The following CPNE7 variants were observed in gnomAD, a reference collection of about 807,000 sequenced individuals.
CPNE7 encodes copine 7, also known as copine-7.
A neutral mutation model predicts 66.5 loss-of-function variants in CPNE7; 78 were observed. The observed-to-expected ratio is 1.17, with a 90% CI of 0.98 to 1.42. CPNE7 has a LOEUF of 1.42. Among genes scored for constraint, CPNE7 ranks in the 40% most tolerant of loss-of-function variants. CPNE7 has a pLI of 0.00. For missense variants in CPNE7, 1,012 were observed against 776.6 expected (o/e 1.30, Z -3.60); for synonymous variants, 468 against 336.7 (o/e 1.39, Z -4.27).
chr16:89,584,716 C>G lies in CPNE7; in HGVS notation c.508-58C>G. On this transcript the variant is annotated intron_variant, in intron 4 of 14. Coordinates refer to ENST00000319518, the MANE Select transcript of CPNE7 (RefSeq NM_153636.3). The surrounding 1 kb of genome is among the most constrained non-coding windows in gnomAD (Gnocchi z 6.0). ...GCCCTGGGAAACGACAAAGCCAGCT[C>G]CCATCCAAAGCCCGATCTCACAGTG... 1.5e-6 allele frequency: 2 copies of G among 1,320,830 alleles called. No homozygotes were observed. The highest frequency in any genetic ancestry group is 2.2e-6 in the Non-Finnish European group (2 of 924,178). The allele number at this position is 1,320,830 out of a possible 1,614,324, so 81.8% of individuals were successfully genotyped here. A position where few individuals can be genotyped will look rare whatever the true frequency, so the allele number is the denominator to read the frequency against.
At chr16:89,588,837 TG>T in intron 10 of CPNE7, 29 bp downstream of exon 10, 1 of 1,607,530 alleles carries the variant, frequency 6.2e-7, no homozygotes, top group Non-Finnish European at 8.5e-7. Flanking sequence ...CCTCACCCCC[TG>T]GTCTCCAGGT....
intron 5 of CPNE7, among the ~76,000 whole-genome samples, chr16:89,585,217 G>A (rs2059016049): frequency 6.6e-6 from 1 of 152,228 alleles, no homozygotes; most frequent in Non-Finnish European, 1.5e-5. Flanking sequence ...AGCGCAGGTG[G>A]CTCAGAGGTG....
In CPNE7 at chr16:89,595,616, G is replaced by A; in HGVS notation, c.1539+13G>A. ...GGAGCTCAAGAACGTGAGTGTCCTGGAGGGGCTCCGTCAAGGCCGGCTTGG... is the reference window on the plus strand; with the variant it reads ...GGAGCTCAAGAACGTGAGTGTCCTGAAGGGGCTCCGTCAAGGCCGGCTTGG... On this transcript the variant is annotated intron_variant, in intron 14 of 14. Coordinates refer to ENST00000319518, the MANE Select transcript of CPNE7 (RefSeq NM_153636.3). 1 of 1,591,970 alleles carries A rather than the reference G, an allele frequency of 6.3e-7. No individual in the cohort carries two copies.
chr16:89,588,407 A>G (rs2059118042), intron 9 of CPNE7, among the ~76,000 whole-genome samples: 1 of 152,090 alleles, frequency 6.6e-6, no homozygotes, highest in African/African-American at 2.4e-5. Flanking sequence ...ACTAAGAAGG[A>G]TGGGCGGGGC....
intron 9 of CPNE7, chr16:89,587,643 C>T (rs1365594689): frequency 2.2e-6 from 1 of 447,282 alleles, no homozygotes. Flanking sequence ...CCGGCACAGA[C>T]CCCGTGTCAC....
chr16:89,589,397 A>G (rs542284672), intron 10 of CPNE7, among the ~76,000 whole-genome samples: 2 of 152,350 alleles, frequency 1.3e-5, no homozygotes, highest in African/African-American at 4.8e-5. Context: ...CTTTGCCAGA[A>G]TAGCAAACCG....
At chr16:89,583,628 G>C (rs904958591) in intron 2 of CPNE7, 69 bp from the exon 3 acceptor site, 5 of 1,608,068 alleles carry the variant, frequency 3.1e-6, no homozygotes, top group Non-Finnish European at 4.3e-6. Context: ...GGGTGAGGGC[G>C]CGGTGGGGTC....
At chr16:89,588,423 C>G (rs1055344346) in intron 9 of CPNE7, among the ~76,000 whole-genome samples, 1 of 152,154 alleles carries the variant, frequency 6.6e-6, no homozygotes, top group South Asian at 2.1e-4. Context: ...GGGGCCCCCA[C>G]AAGGCCAGGG....
chr16:89,592,407 C>T (rs990768473), intron 13 of CPNE7, among the ~76,000 whole-genome samples: 1 of 151,522 alleles, frequency 6.6e-6, no homozygotes, highest in African/African-American at 2.4e-5. Context: ...GCTCCTGCTT[C>T]ACGTCTGTGT....
Position 89,591,179 on chromosome 16 carries a change from C to G in CPNE7, c.1221C>G (p.Leu407=). ...AGAACTGCCTGCCCAGGGTCCAGCT[C>G]TACGGCCCCACCAACGTGGCGCCCA... ...AYQNCLPRVQ[L]YGPTNVAPII... is the part of the protein sequence containing the mutation. Residue 407 remains leucine (L), a synonymous_variant, in exon 13 of 15, where the codon CTC becomes CTG. Transcript: ENST00000319518. The G allele has an allele frequency of 1.2e-5, 19 of 1,604,054 alleles. No homozygotes were observed. The highest frequency in any genetic ancestry group is 1.5e-5 in the Non-Finnish European group (18 of 1,175,546).
chr16:89,580,434 A>G (rs173290), intron 2 of CPNE7, among the ~76,000 whole-genome samples: 51,583 of 65,272 alleles, frequency 0.79, 22,550 homozygotes, highest in South Asian at 0.91. Flanking sequence ...CCCATCACAC[A>G]GAACATCTCA....
chr16:89,588,656 G>C lies in CPNE7; in HGVS notation c.928-19G>C, dbSNP rs367891667. 1.6e-5 allele frequency: 26 copies of C among 1,612,738 alleles called. No individual in the cohort carries two copies. In the East Asian group the frequency reaches 5.1e-4, roughly 32 times the overall value. ...GGAGCCCCGGCCCAGCACAGCTCCTGGCTCCCGGCCCACTGCAGGTGGCCA... is the reference window on the plus strand; with the variant it reads ...GGAGCCCCGGCCCAGCACAGCTCCTCGCTCCCGGCCCACTGCAGGTGGCCA... On this transcript the variant is annotated intron_variant, in intron 9 of 14. Transcript: ENST00000319518.
At chr16:89,580,795 C>T (rs2058943187) in intron 2 of CPNE7, among the ~76,000 whole-genome samples, 1 of 149,470 alleles carries the variant, frequency 6.7e-6, no homozygotes. Context: ...TCACCCGTCA[C>T]ACGGAACATC....
chr16:89,581,462 G>A (rs1380335833), intron 2 of CPNE7, among the ~76,000 whole-genome samples: 1 of 152,174 alleles, frequency 6.6e-6, no homozygotes, highest in Admixed American at 6.5e-5. Flanking sequence ...ATCACAGCGC[G>A]TGTTCTCCCT....
Position 89,575,931 on chromosome 16 carries a change from A to AC in CPNE7, c.39dup (p.Gly14ArgfsTer79). 7.9e-7 allele frequency: 1 copy of AC among 1,267,078 alleles called. No individual in the cohort carries two copies. The allele number at this position is 1,267,078 out of a possible 1,614,324, so 78.5% of individuals were successfully genotyped here. On this transcript the variant is annotated frameshift_variant, in exon 1 of 15. Transcript: ENST00000319518. LOFTEE classifies it high-confidence loss of function. ...GGGCTCGGAGCGCGGGGCGGCGGCA[A>AC]CCCCCGGGGGTTTGCCCGCGCCCTG...
intron 1 of CPNE7, 47 bp from the exon 2 acceptor site, chr16:89,577,492 G>T: frequency 1.3e-6 from 2 of 1,539,624 alleles, no homozygotes; most frequent in South Asian, 1.2e-5. Context: ...TCTGGAGCCC[G>T]GGGTGGAAGC....
rs761123364 is a variant in CPNE7 at position 89,584,903 on chromosome 16, C to T, written c.591+46C>T. Reference sequence around the variant, plus strand: ...ACACAGGGAGGGGAAGGGGCTGTCCCCAGCCCTCACGCATCTCTGGCCACA... The same window carrying T: ...ACACAGGGAGGGGAAGGGGCTGTCCTCAGCCCTCACGCATCTCTGGCCACA... On this transcript the variant is annotated intron_variant, in intron 5 of 14. Coordinates refer to ENST00000319518, the MANE Select transcript of CPNE7 (RefSeq NM_153636.3). This position sits in a 1 kb window ranked among gnomAD's most constrained non-coding sequence, Gnocchi z 6.0. 1 of 1,522,516 alleles carries T rather than the reference C, an allele frequency of 6.6e-7. No individual in the cohort carries two copies. The highest frequency in any genetic ancestry group is 1.1e-5 in the South Asian group (1 of 88,550). 94.3% of individuals were successfully genotyped at this position (1,522,516 alleles called of 1,614,324 possible).
chr16:89,579,443 C>G (rs1412504857), intron 2 of CPNE7, among the ~76,000 whole-genome samples: 1 of 150,408 alleles, frequency 6.6e-6, no homozygotes, highest in Non-Finnish European at 1.5e-5. Context: ...CCCTTCACCC[C>G]TCACACGGAA....
intron 2 of CPNE7, chr16:89,583,358 C>T (rs1243525454): frequency 6.1e-6 from 8 of 1,319,088 alleles, no homozygotes; most frequent in East Asian, 2.5e-5. Context: ...GAGGGGCGTC[C>T]GCCACACCTG....
Sources: gnomAD v4.1 joint callset for allele counts (sites outside exome capture counted in the v4.1 genomes callset) on GRCh38, gnomAD v4.1.1 for gene constraint, Gnocchi (gnomAD v3.1) non-coding constraint, MANE v1.5 for transcripts, NCBI Gene and HGNC (gene_info 2026-07-23, HGNC 2026-07-21) for gene names.